ACTN4: variants seen among roughly 807,000 people sequenced by gnomAD.
ACTN4 encodes actinin alpha 4.
A neutral mutation model predicts 114.2 loss-of-function variants in ACTN4; 18 were observed. That is an observed-to-expected ratio of 0.16 (90% CI 0.11 to 0.23). The LOEUF (loss-of-function observed/expected upper bound fraction) is 0.23. Ranked by LOEUF, ACTN4 falls within the 10% of genes least tolerant of loss-of-function variation. The pLI is 1.00. For missense variants in ACTN4, 722 were observed against 1,262.9 expected, an observed-to-expected ratio of 0.57 and a Z score of 6.49; for synonymous variants, 515 against 506.3, an observed-to-expected ratio of 1.02 and a Z score of -0.23.
intron 1 of ACTN4, among the ~76,000 whole-genome samples, chr19:38,651,726 T>G (rs1166232532): frequency 1.3e-5 from 2 of 152,012 alleles, no homozygotes; most frequent in South Asian, 2.1e-4. Context: ...GTATTTGTTT[T>G]TTTTGTTTTG....
At chr19:38,721,416 A>G in intron 11 of ACTN4, 122 bp from the exon 12 acceptor site, 1 of 1,216,724 alleles carries the variant, frequency 8.2e-7, no homozygotes, top group South Asian at 1.2e-5. Flanking sequence ...TGCCACTGTC[A>G]TTGGCATGGA....
rs1339491252 is a variant in ACTN4 at position 38,729,426 on chromosome 19, C to T, written c.2730C>T (p.Asp910=). ...SFSTALYGES[D]L ...CCACGGCCTTGTATGGCGAGAGCGA[C>T]CTGTGAGGCCCCAGAGACCTGACCC... The change falls in exon 21 of 21, where the codon GAC becomes GAT. Residue 910 remains aspartate, a synonymous_variant. Transcript: ENST00000252699. 3 of 1,612,688 alleles carry T rather than the reference C, an allele frequency of 1.9e-6. No individual in the cohort carries two copies. The Admixed American group carries it at 5.0e-5, about 27-fold the overall frequency.
intron 6 of ACTN4, 49 bp downstream of exon 6, chr19:38,708,244 AC>A: frequency 6.3e-7 from 1 of 1,591,296 alleles, no homozygotes; most frequent in Non-Finnish European, 8.6e-7. Flanking sequence ...GCCCTGTCTG[AC>A]CCCCTAACTC....
At chr19:38,716,971 C>T in intron 9 of ACTN4, 115 bp from the exon 10 acceptor site, 1 of 1,180,102 alleles carries the variant, frequency 8.5e-7, no homozygotes, top group African/African-American at 1.5e-5. Context: ...CAGGGGTAAC[C>T]CCCTAAGGTG....
At chr19:38,716,974 C>T in intron 9 of ACTN4, 112 bp from the exon 10 acceptor site, 1 of 1,239,106 alleles carries the variant, frequency 8.1e-7, no homozygotes, top group East Asian at 2.5e-5. Context: ...GGGTAACCCC[C>T]TAAGGTGGGG....
chr19:38,673,939 G>A (rs1290917160), intron 1 of ACTN4, among the ~76,000 whole-genome samples: 2 of 150,264 alleles, frequency 1.3e-5, no homozygotes, highest in East Asian at 2.0e-4. Flanking sequence ...CTGCCACCAC[G>A]TCCGGCTAAT....
intron 1 of ACTN4, among the ~76,000 whole-genome samples, chr19:38,671,727 T>C (rs1967134306): frequency 6.6e-6 from 1 of 152,242 alleles, no homozygotes; most frequent in African/African-American, 2.4e-5. Flanking sequence ...GTCCCTGTGA[T>C]TGGAGTACTA....
chr19:38,718,875 A>G (rs1968936828), intron 11 of ACTN4, among the ~76,000 whole-genome samples: 1 of 152,168 alleles, frequency 6.6e-6, no homozygotes. Flanking sequence ...CACGTCCCTC[A>G]GGCTAGAGGA....
intron 3 of ACTN4, among the ~76,000 whole-genome samples, chr19:38,703,867 G>A (rs997315545): frequency 2.0e-5 from 3 of 152,200 alleles, no homozygotes; most frequent in South Asian, 2.1e-4. Flanking sequence ...AAGCTTACAC[G>A]ATGAGAAGGA....
chr19:38,655,564 A>G (rs762434052), intron 1 of ACTN4, among the ~76,000 whole-genome samples: 4 of 152,234 alleles, frequency 2.6e-5, no homozygotes, highest in Admixed American at 6.5e-5. Flanking sequence ...CACCTTGTCC[A>G]GGAGCACACA....
chr19:38,723,903 C>T (rs753482817), intron 13 of ACTN4, 34 bp from the exon 14 acceptor site: 8 of 1,611,968 alleles, frequency 5.0e-6, no homozygotes, highest in Non-Finnish European at 6.8e-6. Flanking sequence ...CCTGCCTTCC[C>T]TCTGTCCCTG....
intron 1 of ACTN4, among the ~76,000 whole-genome samples, chr19:38,695,531 C>T (rs756328865): frequency 8.7e-4 from 133 of 152,332 alleles, no homozygotes; most frequent in Non-Finnish European, 5.1e-4. Flanking sequence ...AGGGGCTCTT[C>T]ACCCTGCTTT....
In ACTN4 at chr19:38,724,448, A is replaced by G. The variant is rs749864101; in HGVS notation, c.1893A>G (p.Pro631=). ...SKWEKVQQLV[P]KRDHALLEEQ... is the part of the protein sequence containing the mutation. ...TCTGCCAGGTGCAGCAGCTGGTGCC[A>G]AAACGGGACCATGCCCTCCTGGAGG... Residue 631 remains proline (P), a synonymous_variant, in exon 16 of 21, where the codon CCA becomes CCG. Transcript: ENST00000252699. The surrounding 1 kb of genome is among the most constrained non-coding windows in gnomAD (Gnocchi z 7.0). The G allele has an allele frequency of 6.2e-7, 1 of 1,613,482 alleles. No homozygotes were observed. Among genetic ancestry groups the G allele is most frequent in the Non-Finnish European group, 8.5e-7 (1 of 1,179,962 alleles).
intron 1 of ACTN4, among the ~76,000 whole-genome samples, chr19:38,697,736 G>A (rs1198042227): frequency 1.3e-5 from 2 of 152,250 alleles, no homozygotes; most frequent in Non-Finnish European, 2.9e-5. Flanking sequence ...CCTTGCCCTC[G>A]GGGAACAGCC....
At chr19:38,669,487 G>C (rs750777334) in intron 1 of ACTN4, among the ~76,000 whole-genome samples, 4 of 152,204 alleles carry the variant, frequency 2.6e-5, no homozygotes, top group Non-Finnish European at 5.9e-5. Flanking sequence ...AGATGGGACT[G>C]GGTAGGGGAC....
chr19:38,700,095 G>A (rs1380388485), intron 1 of ACTN4, among the ~76,000 whole-genome samples: 4 of 152,158 alleles, frequency 2.6e-5, no homozygotes, highest in African/African-American at 9.7e-5. Flanking sequence ...TCCAGCTGGG[G>A]CCTTTGGGTC....
chr19:38,673,708 T>TA (rs1303823258), intron 1 of ACTN4, among the ~76,000 whole-genome samples: 2 of 88,586 alleles, frequency 2.3e-5, no homozygotes, highest in African/African-American at 8.3e-5. Flanking sequence ...TATTTATATA[T>TA]TTATATATTT....
intron 1 of ACTN4, among the ~76,000 whole-genome samples, chr19:38,652,979 G>C (rs1052214624): frequency 1.3e-5 from 2 of 151,926 alleles, no homozygotes; most frequent in Non-Finnish European, 2.9e-5. Context: ...CCAGCTACTT[G>C]GGAGGCTGAG....
Position 38,708,199 on chromosome 19 carries a change from A to G in ACTN4, c.651+4A>G, listed in dbSNP as rs1568727261. On this transcript the variant is annotated splice_donor_region_variant and intron_variant, in intron 6 of 20. Transcript: ENST00000252699. ...TGAGTATGACAAGCTGAGGAAGGTG[A>G]GTGTCTCCAGCTCCCCTTGATGGCC... 1.2e-6 allele frequency: 2 copies of G among 1,614,062 alleles called. No individual in the cohort carries two copies. The highest frequency in any genetic ancestry group is 2.2e-5 in the East Asian group (1 of 44,872).
Sources: gnomAD v4.1 joint callset for allele counts (sites outside exome capture counted in the v4.1 genomes callset) on GRCh38, gnomAD v4.1.1 for gene constraint, Gnocchi (gnomAD v3.1) non-coding constraint, MANE v1.5 for transcripts, NCBI Gene and HGNC (gene_info 2026-07-23, HGNC 2026-07-21) for gene names.